MALRD1: variants seen among roughly 807,000 people sequenced by gnomAD.
MALRD1 encodes MAM and LDL-receptor class A domain-containing protein 1.
A neutral mutation model predicts 242.1 loss-of-function variants in MALRD1; 247 were observed. That is an observed-to-expected ratio of 1.02 (90% CI 0.92 to 1.13). The LOEUF (loss-of-function observed/expected upper bound fraction) is 1.13, where lower values mean the gene tolerates loss of function less well. Among genes scored for constraint, MALRD1 ranks in the 50% most tolerant of loss-of-function variants. The pLI is 0.00. For synonymous variants in MALRD1, 995 were observed against 866.6 expected (o/e 1.15, Z -2.60); for missense variants, 2,989 against 2,533.1 (o/e 1.18, Z -3.86).
At chr10:19,468,888 T>C (rs748370375) in intron 29 of MALRD1, among the ~76,000 whole-genome samples, 1 of 152,124 alleles carries the variant, frequency 6.6e-6, no homozygotes, top group Non-Finnish European at 1.5e-5. Flanking sequence ...GGTAAAACTT[T>C]GTTTTCCTTT....
chr10:19,119,355 G>T (rs1302774337), intron 5 of MALRD1, among the ~76,000 whole-genome samples: 1 of 152,154 alleles, frequency 6.6e-6, no homozygotes, highest in African/African-American at 2.4e-5. Flanking sequence ...AATAGAGAAA[G>T]AGTAATTCAC....
intron 18 of MALRD1, among the ~76,000 whole-genome samples, chr10:19,232,738 A>G (rs2131701755): frequency 6.6e-6 from 1 of 152,326 alleles, no homozygotes; most frequent in Admixed American, 6.5e-5. Context: ...AGGCAAATCA[A>G]AAGTATACAT....
intron 8 of MALRD1, among the ~76,000 whole-genome samples, chr10:19,132,550 T>C (rs911627959): frequency 2.0e-5 from 3 of 152,092 alleles, no homozygotes; most frequent in Admixed American, 1.3e-4. Context: ...TTTTAGAAAA[T>C]CTTGGGCATG....
At chr10:19,125,303 T>C (rs1033688697) in intron 7 of MALRD1, among the ~76,000 whole-genome samples, 12 of 52,426 alleles carry the variant, frequency 2.3e-4, no homozygotes, top group African/African-American at 7.8e-4. Flanking sequence ...CCTTCCTTCC[T>C]TCCTTCCTTC....
chr10:19,495,243 C>A (rs1264796323), intron 30 of MALRD1, among the ~76,000 whole-genome samples: 1 of 151,968 alleles, frequency 6.6e-6, no homozygotes, highest in Admixed American at 6.6e-5. Flanking sequence ...TCCCAGAGTG[C>A]CGGGATTACA....
intron 14 of MALRD1, among the ~76,000 whole-genome samples, chr10:19,188,781 A>C (rs752091735): frequency 1.3e-5 from 2 of 152,192 alleles, no homozygotes; most frequent in Admixed American, 6.6e-5. Context: ...AAATGGAAGC[A>C]GAAAGAGCAG....
chr10:19,733,323 A>G (rs1835369183), intron 39 of MALRD1, among the ~76,000 whole-genome samples: 1 of 152,162 alleles, frequency 6.6e-6, no homozygotes, highest in Admixed American at 6.5e-5. Context: ...CTCACCCTCC[A>G]GAAGGTTTTC....
At chr10:19,438,115 CTTCT>C (rs1323873467) in intron 28 of MALRD1, among the ~76,000 whole-genome samples, 1 of 152,150 alleles carries the variant, frequency 6.6e-6, no homozygotes, top group South Asian at 2.1e-4. Context: ...CACTCTAACT[CTTCT>C]TTCTTCCCTC....
intron 12 of MALRD1, among the ~76,000 whole-genome samples, chr10:19,164,985 G>T (rs900340482): frequency 1.3e-5 from 2 of 151,738 alleles, no homozygotes; most frequent in African/African-American, 4.8e-5. Context: ...TTGATATAAA[G>T]TATTAATTAC....
chr10:19,395,273 C>T (rs1194350299), intron 28 of MALRD1, among the ~76,000 whole-genome samples: 3 of 152,210 alleles, frequency 2.0e-5, no homozygotes, highest in South Asian at 2.1e-4. Context: ...CTCCAGAGGT[C>T]GTGATGACAT....
chr10:19,165,977 CAA>C (rs1834670668), intron 13 of MALRD1, among the ~76,000 whole-genome samples, 167 bp downstream of exon 13: 1 of 151,872 alleles, frequency 6.6e-6, no homozygotes, highest in Admixed American at 6.6e-5. Context: ...TTTCAGATAA[CAA>C]AATAACACCA....
chr10:19,058,094 A>T (rs1224465372), intron 1 of MALRD1, among the ~76,000 whole-genome samples: 3 of 152,228 alleles, frequency 2.0e-5, no homozygotes, highest in Admixed American at 6.5e-5. Flanking sequence ...TTTTTACCAA[A>T]CACAAACATT....
intron 38 of MALRD1, among the ~76,000 whole-genome samples, chr10:19,728,796 C>G (rs1300579271): frequency 1.3e-5 from 2 of 152,194 alleles, no homozygotes; most frequent in African/African-American, 2.4e-5. Flanking sequence ...CCTACCCAAT[C>G]TCAACTCCAA....
At chr10:19,402,849 C>T (rs1394361472) in intron 28 of MALRD1, among the ~76,000 whole-genome samples, 2 of 152,092 alleles carry the variant, frequency 1.3e-5, no homozygotes, top group African/African-American at 4.8e-5. Context: ...TAGATTTTGA[C>T]ATAACCAAAT....
rs1476262810 is a variant in MALRD1, at chr10:19,708,980, A to G, written c.6314+16426A>G. On this transcript the variant is annotated intron_variant, in intron 38 of 39. Transcript: ENST00000454679. The stretch of plus-strand genomic sequence containing the variant: ...ATCTGGCGGGCCACATTTATTTTGA[A>G]ATGGAAACAGTGTATCACAGAAACA... Among the ~76,000 whole-genome samples the G allele has an allele frequency of 2.5e-5, 3 of 121,890 alleles. 1 individual carries two copies. Among genetic ancestry groups the G allele is most frequent in the Non-Finnish European group, 5.6e-5 (3 of 53,222 alleles). 80.0% of individuals were successfully genotyped at this position (121,890 alleles called of 152,430 possible).
At chr10:19,481,514 G>T (rs1255965518) in intron 29 of MALRD1, among the ~76,000 whole-genome samples, 1 of 152,144 alleles carries the variant, frequency 6.6e-6, no homozygotes, top group Non-Finnish European at 1.5e-5. Context: ...GAATAAGAGA[G>T]CAACCAAGTG....
chr10:19,270,940 C>G (rs1840205155), intron 19 of MALRD1, among the ~76,000 whole-genome samples: 2 of 151,854 alleles, frequency 1.3e-5, no homozygotes, highest in African/African-American at 4.8e-5. Context: ...AAAATGAGCT[C>G]AACCAGGGAT....
intron 14 of MALRD1, among the ~76,000 whole-genome samples, chr10:19,175,740 G>T (rs1475808265): frequency 6.6e-6 from 1 of 151,906 alleles, no homozygotes; most frequent in Non-Finnish European, 1.5e-5. Context: ...AAGCAAAAAG[G>T]TTGTGTTTGG....
chr10:19,103,561 A>T (rs1030208259), intron 4 of MALRD1, among the ~76,000 whole-genome samples: 36 of 146,832 alleles, frequency 2.5e-4, no homozygotes, highest in African/African-American at 9.4e-4. Flanking sequence ...CAAAAAAAAA[A>T]AAAATAAATA....
Sources: gnomAD v4.1 joint callset for allele counts (sites outside exome capture counted in the v4.1 genomes callset) on GRCh38, gnomAD v4.1.1 for gene constraint, MANE v1.5 for transcripts, NCBI Gene and HGNC (gene_info 2026-07-23, HGNC 2026-07-21) for gene names.